The following NXPE2 variants were observed in gnomAD, a reference collection of about 807,000 sequenced individuals.
NXPE2 encodes the protein NXPE family member 2.
A neutral mutation model predicts 34.4 loss-of-function variants in NXPE2; 34 were observed. The ratio of observed to expected loss-of-function variants is 0.99; its 90% CI spans 0.75 to 1.31. The LOEUF is 1.31. Among genes scored for constraint, NXPE2 ranks in the 40% most tolerant of loss-of-function variants. NXPE2 has a pLI of 0.00. For synonymous variants in NXPE2, 235 were observed against 231.3 expected (o/e 1.02, Z -0.15); for missense variants, 649 against 672.5 (o/e 0.97, Z 0.39).
At chr11:114,475,233 T>TC in the NXPE2 span, among the ~76,000 whole-genome samples, 6 of 19,498 alleles carry the variant, frequency 3.1e-4, no homozygotes, top group Admixed American at 5.3e-4. Flanking sequence ...ACTGTTTTTT[T>TC]TTTTTTTTTT....
At chr11:114,604,298 G>A in the NXPE2 span, among the ~76,000 whole-genome samples, 1 of 152,002 alleles carries the variant, frequency 6.6e-6, no homozygotes, top group African/African-American at 2.4e-5. Flanking sequence ...TGCCTCGTGG[G>A]TAACAATTCT....
At chr11:114,497,656 A>G in the NXPE2 span, among the ~76,000 whole-genome samples, 1 of 152,232 alleles carries the variant, frequency 6.6e-6, no homozygotes, top group Non-Finnish European at 1.5e-5. Flanking sequence ...GGTTTGTGTA[A>G]GAACACTCTT....
At chr11:114,740,795 G>A in the NXPE2 span, among the ~76,000 whole-genome samples, 3 of 152,078 alleles carry the variant, frequency 2.0e-5, no homozygotes, top group Non-Finnish European at 4.4e-5. Context: ...TTATATTGCT[G>A]TCTATTTCTC....
At chr11:114,575,656 C>T in the NXPE2 span, among the ~76,000 whole-genome samples, 1 of 151,780 alleles carries the variant, frequency 6.6e-6, no homozygotes, top group Non-Finnish European at 1.5e-5. Context: ...ATGTCAAAGA[C>T]CTCTACAAGG....
At chr11:114,466,950 G>A in the NXPE2 span, among the ~76,000 whole-genome samples, 16 of 152,274 alleles carry the variant, frequency 1.1e-4, no homozygotes, top group South Asian at 8.3e-4. Context: ...TGCCAGTTCC[G>A]TAAGTCCACA....
At chr11:114,655,937 G>A in the NXPE2 span, among the ~76,000 whole-genome samples, 2 of 152,140 alleles carry the variant, frequency 1.3e-5, no homozygotes, top group African/African-American at 4.8e-5. Flanking sequence ...GGGCAATCAG[G>A]CAAGAGAAAG....
At chr11:114,532,792 G>T in the NXPE2 span, among the ~76,000 whole-genome samples, 2 of 152,116 alleles carry the variant, frequency 1.3e-5, no homozygotes, top group Non-Finnish European at 2.9e-5. Context: ...GTGTGCATTT[G>T]TCATGGTTGA....
At chr11:114,779,549 G>C in the NXPE2 span, among the ~76,000 whole-genome samples, 13 of 152,178 alleles carry the variant, frequency 8.5e-5, no homozygotes, top group African/African-American at 3.1e-4. Flanking sequence ...GCAAGTTCTT[G>C]CTGTGAGCTT....
chr11:114,630,489 G>T, the NXPE2 span, among the ~76,000 whole-genome samples: 1 of 151,602 alleles, frequency 6.6e-6, no homozygotes, highest in Non-Finnish European at 1.5e-5. Flanking sequence ...GCTGAAACTG[G>T]ATCCCTTCCT....
intron 2 of NXPE2, among the ~76,000 whole-genome samples, chr11:114,690,695 T>A (rs114029458): frequency 0.017 from 2,530 of 152,250 alleles, 79 homozygotes; most frequent in African/African-American, 0.055. Flanking sequence ...CCAAGTTGCT[T>A]ACTCTCCCTT....
At chr11:114,695,471 C>T (rs985282068) in intron 2 of NXPE2, among the ~76,000 whole-genome samples, 12 of 152,066 alleles carry the variant, frequency 7.9e-5, no homozygotes, top group South Asian at 4.1e-4. Flanking sequence ...TCCTTACCCC[C>T]GATTGATCAG....
the NXPE2 span, among the ~76,000 whole-genome samples, chr11:114,792,461 A>G: frequency 1.3e-5 from 2 of 152,116 alleles, no homozygotes; most frequent in Non-Finnish European, 2.9e-5. Context: ...GCCTGTATTT[A>G]TCTTTTAATA....
chr11:114,522,990 C>A, the NXPE2 span: 2 of 1,613,702 alleles, frequency 1.2e-6, no homozygotes, highest in Non-Finnish European at 1.7e-6. Flanking sequence ...TCTAACTGAA[C>A]CTGGTTGCAA....
At chr11:114,494,450 A>G in the NXPE2 span, among the ~76,000 whole-genome samples, 4 of 151,632 alleles carry the variant, frequency 2.6e-5, no homozygotes, top group African/African-American at 7.3e-5. Context: ...CAAACTCACT[A>G]ATTCTTTCTT....
chr11:114,651,392 G>A, the NXPE2 span, among the ~76,000 whole-genome samples: 7 of 152,068 alleles, frequency 4.6e-5, no homozygotes, highest in African/African-American at 9.7e-5. Context: ...TCGTGGTCTC[G>A]CTGGCTTCAG....
rs529963976 is a variant in NXPE2, at chr11:114,706,846, G to A, written c.1596G>A (p.Thr532=). 7.0e-5 allele frequency: 109 copies of A among 1,551,886 alleles called. 1 individual carries two copies. In the South Asian group the frequency reaches 1.1e-3, roughly 16 times the overall value. ...NVGIIDAWDM[T]IAYCTNNAHP... ...GTATTATTGATGCCTGGGACATGAC[G>A]ATTGCATATTGCACCAACAATGCCC... Residue 532 remains threonine, a synonymous_variant, in exon 6 of 6, where the codon ACG becomes ACA. Coordinates refer to ENST00000389586, the MANE Select transcript of NXPE2 (RefSeq NM_182495.6).
the NXPE2 span, among the ~76,000 whole-genome samples, chr11:114,496,933 A>G: frequency 3.3e-5 from 5 of 152,236 alleles, no homozygotes; most frequent in Non-Finnish European, 7.3e-5. Context: ...AACATACACA[A>G]TTATGTATAG....
chr11:114,593,438 GATC>G, the NXPE2 span, among the ~76,000 whole-genome samples: 2 of 152,094 alleles, frequency 1.3e-5, no homozygotes, highest in Admixed American at 1.3e-4. Context: ...CAACATCATT[GATC>G]ATCAGAGAAA....
chr11:114,791,668 A>T, the NXPE2 span, among the ~76,000 whole-genome samples: 1 of 152,252 alleles, frequency 6.6e-6, no homozygotes. Context: ...AAATTGAAGC[A>T]AAGATGGGAA....
Sources: gnomAD v4.1 joint callset for allele counts (sites outside exome capture counted in the v4.1 genomes callset) on GRCh38, gnomAD v4.1.1 for gene constraint, MANE v1.5 for transcripts, NCBI Gene and HGNC (gene_info 2026-07-23, HGNC 2026-07-21) for gene names.